ABCC1: variants seen among roughly 807,000 people sequenced by gnomAD.
The protein encoded by ABCC1 is multidrug resistance-associated protein 1.
ABCC1 carries 83 observed loss-of-function variants against 172.9 expected under a neutral mutation model. The ratio of observed to expected loss-of-function variants is 0.48; its 90% CI spans 0.40 to 0.58. The LOEUF is 0.58. Among genes scored for constraint, ABCC1 ranks in the 20% least tolerant of loss-of-function variants. The pLI is 0.00. For missense variants in ABCC1, 1,817 were observed against 2,002.7 expected, an observed-to-expected ratio of 0.91 and a Z score of 1.77; for synonymous variants, 937 against 825.2, an observed-to-expected ratio of 1.14 and a Z score of -2.32.
At chr16:16,099,856 G>A (rs867015109) in intron 19 of ABCC1, among the ~76,000 whole-genome samples, 6 of 152,150 alleles carry the variant, frequency 3.9e-5, no homozygotes, top group African/African-American at 1.4e-4. Context: ...GGCCGAGGTG[G>A]GTGGATCACC....
intron 20 of ABCC1, among the ~76,000 whole-genome samples, chr16:16,103,141 G>A (rs113776286): frequency 6.6e-6 from 1 of 152,132 alleles, no homozygotes; most frequent in South Asian, 2.1e-4. Flanking sequence ...CTTGAGGCCA[G>A]GAGTTTGAGA....
chr16:16,080,001 C>T (rs911707526), intron 16 of ABCC1, among the ~76,000 whole-genome samples: 19 of 151,842 alleles, frequency 1.3e-4, no homozygotes, highest in African/African-American at 4.4e-4. Context: ...TTAGTAGAGA[C>T]GGTGTTTTAC....
chr16:16,124,679 C>T (rs573485082), intron 24 of ABCC1, 110 bp from the exon 25 acceptor site: 418 of 1,468,174 alleles, frequency 2.8e-4, no homozygotes, highest in Non-Finnish European at 3.5e-4. Flanking sequence ...GGAATTACTG[C>T]GGAGTTACTT....
chr16:16,010,007 G>C (rs1194991520), intron 3 of ABCC1, 106 bp downstream of exon 3: 43 of 734,414 alleles, frequency 5.9e-5, no homozygotes, highest in Non-Finnish European at 8.0e-5. Flanking sequence ...GCAATGATCA[G>C]CTGGAGCTGG....
chr16:16,051,204 C>G (rs1382033320), intron 10 of ABCC1, among the ~76,000 whole-genome samples: 2 of 151,446 alleles, frequency 1.3e-5, no homozygotes, highest in African/African-American at 2.4e-5. Flanking sequence ...GAGTCTTGCT[C>G]TGTTGCCCAG....
At chr16:16,045,053 A>G (rs2049146619) in intron 8 of ABCC1, among the ~76,000 whole-genome samples, 1 of 152,162 alleles carries the variant, frequency 6.6e-6, no homozygotes, top group African/African-American at 2.4e-5. Flanking sequence ...TGGGGAGGAT[A>G]TGGCATTGTC....
rs1555487287 is a variant in ABCC1, at chr16:16,038,043, A to ATGGATGGAT, written c.809+1440_809+1441insTGGATGGAT. Among the ~76,000 whole-genome samples the ATGGATGGAT allele has an allele frequency of 2.0e-5, 3 of 151,722 alleles. No homozygotes were observed. In the East Asian group the frequency reaches 5.8e-4, roughly 29 times the overall value. ...AGTTCTTCATGGAGACAGAACTAGT[A>ATGGATGGAT]GGATGGATGGATGGATGGATAGATG... On this transcript the variant is annotated intron_variant, in intron 7 of 30. Coordinates refer to ENST00000399410, the MANE Select transcript of ABCC1 (RefSeq NM_004996.4).
intron 29 of ABCC1, among the ~76,000 whole-genome samples, chr16:16,137,168 C>T (rs1006735578): frequency 2.0e-5 from 3 of 152,204 alleles, no homozygotes; most frequent in African/African-American, 7.2e-5. Context: ...CAGGCATGTT[C>T]AACCATAAAG....
intron 7 of ABCC1, among the ~76,000 whole-genome samples, chr16:16,043,949 C>A (rs1198063797): frequency 6.6e-6 from 1 of 152,160 alleles, no homozygotes; most frequent in African/African-American, 2.4e-5. Flanking sequence ...GTGAATCCTC[C>A]AACTTGATTC....
Position 16,076,217 on chromosome 16 carries a change from T to C in ABCC1, c.1913-109T>C. On this transcript the variant is annotated intron_variant, in intron 14 of 30. Coordinates refer to ENST00000399410, the MANE Select transcript of ABCC1 (RefSeq NM_004996.4). ...CACCAGATAATAATGCCTAGCGCCATTCGTGCCAAGCGTCTGGGGTTGAAC... is the reference window on the plus strand; with the variant it reads ...CACCAGATAATAATGCCTAGCGCCACTCGTGCCAAGCGTCTGGGGTTGAAC... 5 of 1,072,086 alleles carry C rather than the reference T, an allele frequency of 4.7e-6. No individual in the cohort carries two copies. In the South Asian group the frequency reaches 7.3e-5, roughly 16 times the overall value. The allele number at this position is 1,072,086 out of a possible 1,614,324, so 66.4% of individuals were successfully genotyped here. A position where few individuals can be genotyped will look rare whatever the true frequency, so the allele number is the denominator to read the frequency against.
Position 16,048,183 on chromosome 16 carries a change from C to G in ABCC1, c.1260C>G (p.Val420=), listed in dbSNP as rs755996982. Residue 420 remains valine (V), a synonymous_variant, in exon 10 of 31, where the codon GTC becomes GTG. Coordinates refer to ENST00000399410, the MANE Select transcript of ABCC1 (RefSeq NM_004996.4). ...ITNSARKSST[V]GEIVNLMSVD... ...ATTCAGCCAGAAAATCCTCCACGGT[C>G]GGGGAGATTGTCAACCTCATGTCTG... 6.2e-7 allele frequency: 1 copy of G among 1,614,160 alleles called. No homozygotes were observed. The highest frequency in any genetic ancestry group is 8.5e-7 in the Non-Finnish European group (1 of 1,180,016).
intron 28 of ABCC1, among the ~76,000 whole-genome samples, chr16:16,135,111 G>A (rs45448492): frequency 6.6e-6 from 1 of 152,298 alleles, no homozygotes; most frequent in Non-Finnish European, 1.5e-5. Context: ...TTCTCTCTCT[G>A]CTGCCAGAGT....
At position 16,044,501 on chromosome 16, in the gene ABCC1, G is replaced by C. The variant is rs373849176; in HGVS notation, c.861G>C (p.Glu287Asp). The change falls in exon 8 of 31, where the codon GAG (glutamate) becomes GAC (aspartate). Residue 287 changes from glutamate to aspartate, a missense_variant. By Grantham distance (45) the Glu-to-Asp change is conservative (BLOSUM62 2). Transcript: ENST00000399410. ...CCAAGGATCCTGCCCAGCCGAAAGA[G>C]AGTTCCAAGGTGGATGCGAATGAGG... ...YSSKDPAQPK[E>D]SSKVDANEEV... The C allele has an allele frequency of 6.2e-7, 1 of 1,614,242 alleles. No homozygotes were observed. The highest frequency in any genetic ancestry group is 1.1e-5 in the South Asian group (1 of 91,088).
chr16:15,999,928 C>G (rs973818124), intron 1 of ABCC1, among the ~76,000 whole-genome samples: 1 of 144,638 alleles, frequency 6.9e-6, no homozygotes, highest in African/African-American at 2.5e-5. Flanking sequence ...GATCTGGGCT[C>G]ACTGCAACCT....
chr16:16,035,785 G>A (rs1439706599), intron 6 of ABCC1, among the ~76,000 whole-genome samples: 2 of 151,758 alleles, frequency 1.3e-5, no homozygotes, highest in African/African-American at 2.4e-5. Context: ...ATGAGCTACC[G>A]TGCCTGGCCC....
intron 14 of ABCC1, 62 bp downstream of exon 14, chr16:16,071,791 T>C: frequency 7.0e-7 from 1 of 1,432,180 alleles, no homozygotes; most frequent in Non-Finnish European, 9.7e-7. Context: ...CACTGGGTCC[T>C]CCCTACTTGC....
chr16:16,067,123 G>A (rs2050141709), intron 12 of ABCC1, among the ~76,000 whole-genome samples: 1 of 152,084 alleles, frequency 6.6e-6, no homozygotes, highest in Non-Finnish European at 1.5e-5. Flanking sequence ...GGTGGTATGC[G>A]CCTGTAGTCC....
At chr16:15,999,735 G>T in intron 1 of ABCC1, among the ~76,000 whole-genome samples, 1 of 122,098 alleles carries the variant, frequency 8.2e-6, no homozygotes, top group Non-Finnish European at 1.7e-5. Flanking sequence ...CAAATTGCTG[G>T]GATTAAATGT....
chr16:16,007,988 A>G lies in ABCC1; in HGVS notation c.221A>G (p.Lys74Arg). Residue 74 changes from lysine (K) to arginine (R), a missense_variant, in exon 2 of 31, where the codon AAA (lysine) becomes AGA (arginine). Around this residue, in one of 3 missense-constraint regions of ABCC1, gnomAD observed 398 missense variants for 384.2 expected, o/e 1.04. Coordinates refer to ENST00000399410, the MANE Select transcript of ABCC1 (RefSeq NM_004996.4). ...CAGATGACACCTCTCAACAAAACCA[A>G]AACTGTAAGTCACTGGGGGGTTTCG... Reference protein sequence around the residue: ...YIQMTPLNKTKTALGFLLWIV... With the variant: ...YIQMTPLNKTRTALGFLLWIV... 1.0e-6 allele frequency: 1 copy of G among 967,636 alleles called. No individual in the cohort carries two copies. Among genetic ancestry groups the G allele is most frequent in the Non-Finnish European group, 1.5e-6 (1 of 684,378 alleles). 59.9% of individuals were successfully genotyped at this position (967,636 alleles called of 1,614,324 possible).
Sources: allele counts gnomAD v4.1 joint callset (sites outside exome capture counted in the v4.1 genomes callset), GRCh38; gene constraint gnomAD v4.1.1; regional missense constraint gnomAD v4.1.1; transcripts MANE v1.5; gene names NCBI Gene and HGNC (gene_info 2026-07-23, HGNC 2026-07-21).